Variants in ARFGEF2 observed in about 807,000 individuals in gnomAD.
The protein encoded by ARFGEF2 is brefeldin A-inhibited guanine nucleotide-exchange protein 2.
ARFGEF2 carries 74 observed loss-of-function variants against 219.9 expected under a neutral mutation model. The observed-to-expected ratio is 0.34, with a 90% CI of 0.28 to 0.41. The LOEUF is 0.41. ARFGEF2 is among the 10% of genes least tolerant of loss of function. The pLI, the probability that ARFGEF2 is intolerant of heterozygous loss-of-function variation, is 1.00. For synonymous variants in ARFGEF2, 733 were observed against 799.2 expected (o/e 0.92, Z 1.40); for missense variants, 1,743 against 2,218.3 (o/e 0.79, Z 4.30).
At chr20:48,955,899 C>G (rs1304308646) in intron 6 of ARFGEF2, among the ~76,000 whole-genome samples, 1 of 151,906 alleles carries the variant, frequency 6.6e-6, no homozygotes, top group Non-Finnish European at 1.5e-5. Flanking sequence ...TGAATAGCCT[C>G]TGTGCTCCAG....
At chr20:48,938,878 C>CCCACCGTGATCAAAA (rs2090976425) in intron 1 of ARFGEF2, among the ~76,000 whole-genome samples, 2 of 152,088 alleles carry the variant, frequency 1.3e-5, no homozygotes, top group Non-Finnish European at 2.9e-5. Context: ...TTTGATCTTA[C>CCCACCGTGATCAAAA]ACCCACCGTG....
At chr20:48,972,820 T>G (rs2091236604) in intron 11 of ARFGEF2, among the ~76,000 whole-genome samples, 1 of 152,218 alleles carries the variant, frequency 6.6e-6, no homozygotes, top group African/African-American at 2.4e-5. Context: ...AGCATCCTGC[T>G]TGTCTGGCAT....
chr20:48,925,945 A>G (rs1312027038), intron 1 of ARFGEF2, among the ~76,000 whole-genome samples: 1 of 152,214 alleles, frequency 6.6e-6, no homozygotes, highest in African/African-American at 2.4e-5. Context: ...TTTCATATGA[A>G]ATTGAATGAC....
intron 36 of ARFGEF2, among the ~76,000 whole-genome samples, chr20:49,026,291 C>G (rs2091602009): frequency 1.3e-5 from 2 of 152,046 alleles, no homozygotes; most frequent in African/African-American, 2.4e-5. Context: ...AGATTGCATA[C>G]TGCACTGCAG....
At chr20:48,966,499 C>T (rs1440315196) in intron 8 of ARFGEF2, among the ~76,000 whole-genome samples, 1 of 152,148 alleles carries the variant, frequency 6.6e-6, no homozygotes, top group Non-Finnish European at 1.5e-5. Flanking sequence ...GTGTTGCAAC[C>T]TGCTTTTTAA....
intron 16 of ARFGEF2, among the ~76,000 whole-genome samples, chr20:48,987,511 A>G (rs1049799062): frequency 6.6e-6 from 1 of 152,212 alleles, no homozygotes; most frequent in Non-Finnish European, 1.5e-5. Flanking sequence ...GACTATAAAT[A>G]ACAGCTAAAC....
At chr20:48,924,804 C>A (rs1249409088) in intron 1 of ARFGEF2, among the ~76,000 whole-genome samples, 5 of 152,174 alleles carry the variant, frequency 3.3e-5, no homozygotes. Flanking sequence ...TGTGTTCAAA[C>A]CTCCTGCCTT....
At chr20:48,936,196 G>A (rs1395974507) in intron 1 of ARFGEF2, among the ~76,000 whole-genome samples, 15 of 144,230 alleles carry the variant, frequency 1.0e-4, no homozygotes, top group South Asian at 2.2e-4. Context: ...CAGTAGGGGC[G>A]GCCGGGCAGA....
chr20:48,957,742 C>T (rs1437179951), intron 6 of ARFGEF2, among the ~76,000 whole-genome samples: 2 of 152,152 alleles, frequency 1.3e-5, no homozygotes, highest in African/African-American at 4.8e-5. Flanking sequence ...GTGGAGTCTT[C>T]CTGCTTTGGG....
intron 14 of ARFGEF2, among the ~76,000 whole-genome samples, chr20:48,983,885 C>T (rs2091310921): frequency 6.6e-6 from 1 of 151,996 alleles, no homozygotes. Context: ...TAAGTTGAGT[C>T]TATACATTGG....
chr20:48,928,192 CTTTTTTT>C (rs747462352), intron 1 of ARFGEF2, among the ~76,000 whole-genome samples: 9 of 104,768 alleles, frequency 8.6e-5, no homozygotes, highest in African/African-American at 2.4e-4. Context: ...GTGTTGCAAT[CTTTTTTT>C]TTTTTTTTTT....
intron 3 of ARFGEF2, among the ~76,000 whole-genome samples, chr20:48,948,837 G>A (rs143427825): frequency 1.3e-5 from 2 of 152,248 alleles, no homozygotes; most frequent in Non-Finnish European, 2.9e-5. Flanking sequence ...CGCTCATTGC[G>A]TTAGCAAGGA....
At chr20:48,961,078 C>T (rs945496997) in intron 6 of ARFGEF2, among the ~76,000 whole-genome samples, 1 of 97,064 alleles carries the variant, frequency 1.0e-5, no homozygotes, top group African/African-American at 3.1e-5. Flanking sequence ...GACTCTGTCT[C>T]AAAATATAAT....
chr20:48,975,898 T>G, intron 13 of ARFGEF2, 118 bp from the exon 14 acceptor site: 1 of 868,328 alleles, frequency 1.2e-6, no homozygotes, highest in South Asian at 1.4e-5. Flanking sequence ...ATAATCCTTA[T>G]AGTATTGACT....
At chr20:48,963,348 C>G (rs1471065741) in intron 6 of ARFGEF2, among the ~76,000 whole-genome samples, 1 of 152,048 alleles carries the variant, frequency 6.6e-6, no homozygotes, top group African/African-American at 2.4e-5. Context: ...TTTAGTAAAT[C>G]CTTAACTATC....
chr20:48,971,068 G>GT (rs2091224137), intron 9 of ARFGEF2, 52 bp from the exon 10 acceptor site: 4 of 1,483,660 alleles, frequency 2.7e-6, no homozygotes, highest in Non-Finnish European at 3.8e-6. Context: ...GAAACATACT[G>GT]TTTGACATTT....
At chr20:48,943,919 G>A (rs949303096) in intron 3 of ARFGEF2, among the ~76,000 whole-genome samples, 1 of 152,192 alleles carries the variant, frequency 6.6e-6, no homozygotes, top group African/African-American at 2.4e-5. Context: ...CAGCTTTCTC[G>A]AGAAAGAGTA....
intron 3 of ARFGEF2, among the ~76,000 whole-genome samples, chr20:48,949,058 A>G (rs1263519398): frequency 6.6e-6 from 1 of 152,244 alleles, no homozygotes; most frequent in East Asian, 1.9e-4. Flanking sequence ...ATGAGAAAGC[A>G]GAACCAGAAA....
chr20:48,996,047 G>T (rs1719713479), intron 23 of ARFGEF2, among the ~76,000 whole-genome samples, 165 bp downstream of exon 23: 1 of 152,150 alleles, frequency 6.6e-6, no homozygotes. Flanking sequence ...TTTAGAAAAG[G>T]TATAACTTTA....
Sources: allele counts gnomAD v4.1 joint callset (sites outside exome capture counted in the v4.1 genomes callset), GRCh38; gene constraint gnomAD v4.1.1; transcripts MANE v1.5; gene names NCBI Gene and HGNC (gene_info 2026-07-23, HGNC 2026-07-21).